Variants in SCAPER observed in about 807,000 individuals in gnomAD.
SCAPER encodes the protein S-phase cyclin A associated protein in the ER, also known as S phase cyclin A-associated protein in the endoplasmic reticulum.
In SCAPER, 98 loss-of-function variants were observed where a neutral mutation model predicts 182.2. The ratio of observed to expected loss-of-function variants is 0.54; its 90% CI spans 0.46 to 0.64. The LOEUF (loss-of-function observed/expected upper bound fraction) is 0.64, where lower values mean the gene tolerates loss of function less well. Among genes scored for constraint, SCAPER ranks in the 30% least tolerant of loss-of-function variants. The probability of loss-of-function intolerance (pLI) is 0.00; values close to 1 mark genes in which losing one functional copy is unlikely to be tolerated. For missense variants in SCAPER, 1,432 were observed against 1,690.0 expected (o/e 0.85, Z 2.68); for synonymous variants, 605 against 564.6 (o/e 1.07, Z -1.01).
chr15:76,547,088 G>C (rs1286736991), intron 23 of SCAPER, among the ~76,000 whole-genome samples: 2 of 152,186 alleles, frequency 1.3e-5, no homozygotes, highest in Admixed American at 1.3e-4. Context: ...TTTTGGGGTT[G>C]AATAGGGAAT....
intron 3 of SCAPER, chr15:76,861,699 AAT>A (rs1283302484): frequency 6.6e-6 from 1 of 152,200 alleles, no homozygotes; most frequent in Admixed American, 6.5e-5. Flanking sequence ...AATTATGGTA[AAT>A]ATGATTTTTA....
chr15:76,485,833 T>A (rs944176454), intron 24 of SCAPER, among the ~76,000 whole-genome samples: 2 of 152,232 alleles, frequency 1.3e-5, no homozygotes, highest in Non-Finnish European at 2.9e-5. Flanking sequence ...GCTAGCCATA[T>A]GCAGAAGACT....
intron 21 of SCAPER, among the ~76,000 whole-genome samples, chr15:76,630,298 T>C (rs2052984773): frequency 6.6e-6 from 1 of 152,188 alleles, no homozygotes; most frequent in Non-Finnish European, 1.5e-5. Context: ...CTCTATCTCC[T>C]TCAGTTCTGC....
intron 1 of SCAPER, among the ~76,000 whole-genome samples, chr15:76,894,459 A>G (rs374668286): frequency 3.3e-4 from 50 of 152,288 alleles, no homozygotes; most frequent in African/African-American, 1.1e-3. Flanking sequence ...AGAGAAAGGC[A>G]AAACAACTCA....
At chr15:76,651,970 T>C (rs531613775) in intron 21 of SCAPER, among the ~76,000 whole-genome samples, 79 of 151,996 alleles carry the variant, frequency 5.2e-4, no homozygotes, top group Admixed American at 8.5e-4. Context: ...GCTGGTTCAA[T>C]CAGCAACTCA....
chr15:76,674,014 T>G (rs2057211946), intron 20 of SCAPER, among the ~76,000 whole-genome samples: 1 of 150,388 alleles, frequency 6.6e-6, no homozygotes, highest in African/African-American at 2.5e-5. Flanking sequence ...CTTTGGAGGA[T>G]AATAGGAAAC....
intron 5 of SCAPER, among the ~76,000 whole-genome samples, chr15:76,821,866 A>G (rs1368952591): frequency 1.3e-5 from 2 of 152,124 alleles, no homozygotes. Context: ...CAACACAGTA[A>G]GACCTCATCT....
chr15:76,766,936 G>A lies in SCAPER; in HGVS notation c.1401C>T (p.Asp467=), dbSNP rs2063152964. The A allele has an allele frequency of 1.3e-6, 2 of 1,597,308 alleles. No homozygotes were observed. The highest frequency in any genetic ancestry group is 1.4e-5 in the African/African-American group (1 of 73,782). Residue 467 remains aspartate (D), a synonymous_variant, in exon 11 of 32, where the codon GAC becomes GAT. Transcript: ENST00000563290. ...AGCTCACAGAAAAATCACTGTCGTT[G>A]TCAGTTTCAATGTTAATATCATTGT... ...EENNDINIET[D]NDSDFSASMG... is the part of the protein sequence containing the mutation.
intron 1 of SCAPER, among the ~76,000 whole-genome samples, chr15:76,899,024 T>C (rs1183435634): frequency 2.0e-5 from 3 of 152,248 alleles, no homozygotes; most frequent in Non-Finnish European, 4.4e-5. Flanking sequence ...ATATTTGCCA[T>C]AACTAAGTAC....
chr15:76,705,262 A>T (rs921093058), intron 18 of SCAPER, among the ~76,000 whole-genome samples: 7 of 152,052 alleles, frequency 4.6e-5, no homozygotes, highest in African/African-American at 1.7e-4. Context: ...CATGGGTGAA[A>T]TTGGAAATCA....
At chr15:76,831,970 A>G (rs2068528228) in intron 5 of SCAPER, among the ~76,000 whole-genome samples, 1 of 152,188 alleles carries the variant, frequency 6.6e-6, no homozygotes, top group Non-Finnish European at 1.5e-5. Context: ...CAAAGAATAT[A>G]AGAGCAAAAG....
At chr15:76,865,407 T>A (rs890796582) in intron 2 of SCAPER, among the ~76,000 whole-genome samples, 2 of 152,164 alleles carry the variant, frequency 1.3e-5, no homozygotes, top group African/African-American at 4.8e-5. Context: ...ACTTATTGCC[T>A]ATTTAGTGGT....
At chr15:76,735,404 A>G (rs1447649106) in intron 15 of SCAPER, among the ~76,000 whole-genome samples, 2 of 152,000 alleles carry the variant, frequency 1.3e-5, no homozygotes, top group African/African-American at 4.8e-5. Flanking sequence ...TTGGAAGAAA[A>G]TAATAACCTG....
At chr15:76,566,314 T>C (rs1567475677) in intron 23 of SCAPER, among the ~76,000 whole-genome samples, 1 of 152,164 alleles carries the variant, frequency 6.6e-6, no homozygotes, top group Non-Finnish European at 1.5e-5. Context: ...TAATGTAAAT[T>C]GTGATTTCAC....
At chr15:76,428,730 A>G (rs2046613442) in intron 26 of SCAPER, among the ~76,000 whole-genome samples, 1 of 151,762 alleles carries the variant, frequency 6.6e-6, no homozygotes. Context: ...TCTATTGCAT[A>G]GTAGAGTGAC....
intron 1 of SCAPER, among the ~76,000 whole-genome samples, chr15:76,886,908 C>T (rs1007927624): frequency 6.6e-6 from 1 of 152,108 alleles, no homozygotes; most frequent in Non-Finnish European, 1.5e-5. Flanking sequence ...GAACAGAAAA[C>T]CAAACACCGC....
chr15:76,615,478 TACACACACACACAGACAC>T (rs1309516807), intron 22 of SCAPER, among the ~76,000 whole-genome samples: 7 of 119,444 alleles, frequency 5.9e-5, no homozygotes, highest in Admixed American at 5.0e-4. Flanking sequence ...TATATATACA[TACACACACACACAGACAC>T]ACACACACAC....
chr15:76,774,415 T>TA, intron 9 of SCAPER: 2 of 390,036 alleles, frequency 5.1e-6, no homozygotes, highest in Admixed American at 3.5e-5. Flanking sequence ...AAATTCTATT[T>TA]AAAAAAATTA....
chr15:76,533,811 C>G (rs2043890272), intron 23 of SCAPER, among the ~76,000 whole-genome samples: 1 of 152,046 alleles, frequency 6.6e-6, no homozygotes, highest in African/African-American at 2.4e-5. Context: ...TATCAGCACA[C>G]TTTTCTGATC....
Sources: gnomAD v4.1 joint callset for allele counts (sites outside exome capture counted in the v4.1 genomes callset) on GRCh38, gnomAD v4.1.1 for gene constraint, MANE v1.5 for transcripts, NCBI Gene and HGNC (gene_info 2026-07-23, HGNC 2026-07-21) for gene names.